The following UVRAG variants were observed in gnomAD, a reference collection of about 807,000 sequenced individuals.
UVRAG encodes UV radiation resistance associated.
UVRAG carries 19 observed loss-of-function variants against 78.0 expected under a neutral mutation model. The ratio of observed to expected loss-of-function variants is 0.24; its 90% CI spans 0.17 to 0.36. UVRAG has a LOEUF of 0.36. Among genes scored for constraint, UVRAG ranks in the 10% least tolerant of loss-of-function variants. The pLI, the probability that UVRAG is intolerant of heterozygous loss-of-function variation, is 1.00. For synonymous variants in UVRAG, 323 were observed against 324.6 expected (o/e 1.00, Z 0.05); for missense variants, 740 against 853.8 (o/e 0.87, Z 1.66).
chr11:75,932,177 A>G (rs1010101104), intron 6 of UVRAG, among the ~76,000 whole-genome samples: 2 of 152,166 alleles, frequency 1.3e-5, no homozygotes, highest in African/African-American at 4.8e-5. Flanking sequence ...TATAACAGCC[A>G]AACAGTAATC....
intron 3 of UVRAG, among the ~76,000 whole-genome samples, chr11:75,868,369 C>G (rs928336481): frequency 6.6e-6 from 1 of 152,096 alleles, no homozygotes; most frequent in Non-Finnish European, 1.5e-5. Flanking sequence ...GCACATAAGA[C>G]AGAGAGACAG....
chr11:75,883,651 A>C (rs933634400), intron 4 of UVRAG, among the ~76,000 whole-genome samples: 5 of 152,210 alleles, frequency 3.3e-5, no homozygotes, highest in Non-Finnish European at 5.9e-5. Context: ...TTGTAGGACA[A>C]GGTTCTTAGA....
Position 75,861,791 on chromosome 11 carries a change from T to C in UVRAG, c.270+11T>C. 1 of 1,606,366 alleles carries C rather than the reference T, an allele frequency of 6.2e-7. No individual in the cohort carries two copies. Among genetic ancestry groups the C allele is most frequent in the Non-Finnish European group, 8.5e-7 (1 of 1,174,002 alleles). ...ATTAAGAATTCCTTGGTAAGTTTGC[T>C]TTCTGACGGGTACATATGACTAAGT... On this transcript the variant is annotated intron_variant, in intron 3 of 14. Transcript: ENST00000356136.
intron 7 of UVRAG, among the ~76,000 whole-genome samples, chr11:75,974,392 C>T (rs1330434428): frequency 7.6e-6 from 1 of 131,062 alleles, no homozygotes; most frequent in Non-Finnish European, 1.5e-5. Context: ...CGGAGTCTCG[C>T]TCTGTCGCCC....
At chr11:75,913,870 A>G (rs773472035) in intron 6 of UVRAG, among the ~76,000 whole-genome samples, 16 of 152,232 alleles carry the variant, frequency 1.1e-4, no homozygotes, top group Non-Finnish European at 2.4e-4. Context: ...TTGCTCAGTT[A>G]TTGAACATTG....
At chr11:75,948,456 A>T (rs779875313) in intron 6 of UVRAG, among the ~76,000 whole-genome samples, 16 of 152,214 alleles carry the variant, frequency 1.1e-4, no homozygotes, top group Non-Finnish European at 2.2e-4. Flanking sequence ...GATTGAACAC[A>T]GGAAGTATGA....
intron 14 of UVRAG, among the ~76,000 whole-genome samples, chr11:76,130,669 A>G (rs929575849): frequency 6.6e-6 from 1 of 152,194 alleles, no homozygotes; most frequent in African/African-American, 2.4e-5. Context: ...AAACCCTCAC[A>G]GTTTGGTTCA....
chr11:75,908,850 T>A (rs1440695887), intron 5 of UVRAG, among the ~76,000 whole-genome samples: 1 of 151,804 alleles, frequency 6.6e-6, no homozygotes, highest in Non-Finnish European at 1.5e-5. Context: ...TCTTCTTGAG[T>A]CATTTTGGTA....
At chr11:75,905,780 CTGTT>C (rs1302666207) in intron 5 of UVRAG, among the ~76,000 whole-genome samples, 2 of 152,058 alleles carry the variant, frequency 1.3e-5, no homozygotes, top group African/African-American at 4.8e-5. Context: ...TTGTGTACAA[CTGTT>C]TGTTTGAGTC....
At chr11:75,893,209 T>C (rs1947259698) in intron 5 of UVRAG, among the ~76,000 whole-genome samples, 1 of 150,848 alleles carries the variant, frequency 6.6e-6, no homozygotes, top group Non-Finnish European at 1.5e-5. Context: ...GAATTATTCC[T>C]TCCTAAAACA....
chr11:75,928,574 A>G (rs1399592078), intron 6 of UVRAG, among the ~76,000 whole-genome samples: 3 of 151,760 alleles, frequency 2.0e-5, no homozygotes, highest in East Asian at 3.9e-4. Context: ...AGACCAGCCT[A>G]GGTAACATAG....
chr11:75,852,277 A>G (rs1157937975), intron 2 of UVRAG, among the ~76,000 whole-genome samples: 2 of 152,204 alleles, frequency 1.3e-5, no homozygotes, highest in Non-Finnish European at 2.9e-5. Flanking sequence ...AGTAGATTGA[A>G]TCCAGTATCC....
intron 14 of UVRAG, chr11:76,137,742 A>G: frequency 6.4e-6 from 2 of 311,154 alleles, no homozygotes; most frequent in Non-Finnish European, 1.3e-5. Context: ...CTAAAAAAAA[A>G]TTAAAAATAA....
At chr11:76,086,481 A>G (rs1951590964) in intron 13 of UVRAG, among the ~76,000 whole-genome samples, 1 of 152,168 alleles carries the variant, frequency 6.6e-6, no homozygotes, top group African/African-American at 2.4e-5. Context: ...AATTAATTAG[A>G]TAGAGATTTG....
At chr11:75,866,352 C>T (rs1946538508) in intron 3 of UVRAG, among the ~76,000 whole-genome samples, 1 of 147,604 alleles carries the variant, frequency 6.8e-6, no homozygotes, top group African/African-American at 2.6e-5. Context: ...AGACTCCCAT[C>T]TCTACAATAA....
chr11:75,921,068 T>C (rs1363830588), intron 6 of UVRAG, among the ~76,000 whole-genome samples: 2 of 152,232 alleles, frequency 1.3e-5, no homozygotes, highest in Non-Finnish European at 2.9e-5. Context: ...CTTGTTTTTA[T>C]GATGATTTTG....
At chr11:76,136,151 T>A (rs1196809169) in intron 14 of UVRAG, among the ~76,000 whole-genome samples, 5 of 152,222 alleles carry the variant, frequency 3.3e-5, no homozygotes, top group Non-Finnish European at 7.3e-5. Flanking sequence ...TCCCTTTCTC[T>A]CTTTAGGCAA....
At chr11:75,933,822 C>A (rs565965412) in intron 6 of UVRAG, among the ~76,000 whole-genome samples, 1 of 152,296 alleles carries the variant, frequency 6.6e-6, no homozygotes, top group South Asian at 2.1e-4. Flanking sequence ...GCTAGTTAAA[C>A]TGGCTTTTAT....
At chr11:76,130,470 C>T (rs1952494321) in intron 14 of UVRAG, among the ~76,000 whole-genome samples, 1 of 152,156 alleles carries the variant, frequency 6.6e-6, no homozygotes, top group South Asian at 2.1e-4. Flanking sequence ...TTATACTCTG[C>T]CTCCTTTAGG....
Sources: gnomAD v4.1 joint callset for allele counts (sites outside exome capture counted in the v4.1 genomes callset) on GRCh38, gnomAD v4.1.1 for gene constraint, MANE v1.5 for transcripts, NCBI Gene and HGNC (gene_info 2026-07-23, HGNC 2026-07-21) for gene names.